Variants in ELAPOR2 observed in about 807,000 individuals in gnomAD.
ELAPOR2 encodes endosome/lysosome-associated apoptosis and autophagy regulator family member 2.
ELAPOR2 carries 89 observed loss-of-function variants against 120.7 expected under a neutral mutation model. The ratio of observed to expected loss-of-function variants is 0.74; its 90% CI spans 0.62 to 0.88. The LOEUF is 0.88. Among genes scored for constraint, ELAPOR2 ranks in the 40% least tolerant of loss-of-function variants. The pLI is 0.00. For missense variants in ELAPOR2, 1,134 were observed against 1,251.6 expected, an observed-to-expected ratio of 0.91 and a Z score of 1.42; for synonymous variants, 444 against 444.9, an observed-to-expected ratio of 1.00 and a Z score of 0.03.
intron 21 of ELAPOR2, among the ~76,000 whole-genome samples, chr7:86,888,274 G>A (rs1562897495): frequency 6.6e-6 from 1 of 152,060 alleles, no homozygotes; most frequent in Non-Finnish European, 1.5e-5. Context: ...ATAGATATGG[G>A]TAGAAATAAG....
rs1052067771 is a variant in ELAPOR2 at position 86,880,257 on chromosome 7, G to C, written c.*214C>G. 1.7e-6 allele frequency: 1 copy of C among 575,464 alleles called. No homozygotes were observed. Among genetic ancestry groups the C allele is most frequent in the Non-Finnish European group, 3.1e-6 (1 of 326,222 alleles). 35.6% of individuals were successfully genotyped at this position (575,464 alleles called of 1,614,324 possible). A position where few individuals can be genotyped will look rare whatever the true frequency, so the allele number is the denominator to read the frequency against. ...CCTGAGTTGAGCTTCATCTTCAGTT[G>C]AGACCCAAATCATTTGCTTTCCTTT... On this transcript the variant is annotated 3_prime_UTR_variant, in exon 22 of 22. Transcript: ENST00000450689.
intron 18 of ELAPOR2, among the ~76,000 whole-genome samples, chr7:86,901,350 A>G (rs761033156): frequency 5.9e-5 from 9 of 152,206 alleles, no homozygotes; most frequent in Non-Finnish European, 1.3e-4. Context: ...TTGAATTCTA[A>G]AAGGGGATAC....
intron 19 of ELAPOR2, among the ~76,000 whole-genome samples, chr7:86,896,383 T>C (rs901087875): frequency 6.6e-6 from 1 of 152,088 alleles, no homozygotes; most frequent in African/African-American, 2.4e-5. Flanking sequence ...TAGAGAATAG[T>C]TCTCTACGGT....
intron 1 of ELAPOR2, among the ~76,000 whole-genome samples, chr7:87,039,442 A>G (rs1794690105): frequency 6.6e-6 from 1 of 152,194 alleles, no homozygotes; most frequent in Non-Finnish European, 1.5e-5. Context: ...AAAACCAGAC[A>G]AAGACACATA....
Position 86,947,800 on chromosome 7 carries a change from C to G in ELAPOR2, c.433G>C (p.Gly145Arg). The G allele has an allele frequency of 6.4e-7, 1 of 1,551,820 alleles. No homozygotes were observed. Among genetic ancestry groups the G allele is most frequent in the Non-Finnish European group, 8.7e-7 (1 of 1,147,020 alleles). Reference sequence around the variant, plus strand: ...ATGAATGTTGCGATGTTAGAAAATCCTGCCGGCAATTCATCCCATTCATCA... The same window carrying G: ...ATGAATGTTGCGATGTTAGAAAATCGTGCCGGCAATTCATCCCATTCATCA... ...KFDEWDELPA[G>R]FSNIATFMDT... Residue 145 changes from glycine to arginine, a missense_variant, in exon 3 of 22, where the codon GGA becomes CGA. Physicochemically the swap from Gly to Arg is moderately radical, Grantham distance 125 (BLOSUM62 -2). Around this residue, in one of 3 missense-constraint regions of ELAPOR2, gnomAD observed 280 missense variants for 331.5 expected, o/e 0.84. Coordinates refer to ENST00000450689, the MANE Select transcript of ELAPOR2 (RefSeq NM_001142749.3).
At chr7:87,030,287 C>T (rs1196835022) in intron 1 of ELAPOR2, among the ~76,000 whole-genome samples, 1 of 152,086 alleles carries the variant, frequency 6.6e-6, no homozygotes, top group Non-Finnish European at 1.5e-5. Context: ...AGTCACAGTA[C>T]ATACCAATAC....
In ELAPOR2 at chr7:86,938,953, C is replaced by T. The variant is rs79734051; in HGVS notation, c.855G>A (p.Ala285=). Residue 285 remains alanine (A), a synonymous_variant, in exon 7 of 22, where the codon GCG becomes GCA. Transcript: ENST00000450689. ...TGCAAGGAAAACATTCTGATGTGTA[C>T]GCCACCCCTGTGCAGTAATGAAAAA... The part of the protein sequence containing the change: ...LVKNITIEGV[A]YTSECFPCKP... 5,440 of 1,612,756 alleles carry T rather than the reference C, an allele frequency of 3.4e-3. 162 individuals carry two copies. The African/African-American group carries it at 0.065, about 19-fold the overall frequency.
At chr7:86,960,898 A>AT (rs887502241) in intron 2 of ELAPOR2, among the ~76,000 whole-genome samples, 2 of 151,892 alleles carry the variant, frequency 1.3e-5, no homozygotes, top group Non-Finnish European at 2.9e-5. Context: ...TCTGTATTTG[A>AT]TTTTTTTTAC....
chr7:87,058,171 G>T (rs1795319459), intron 1 of ELAPOR2, among the ~76,000 whole-genome samples: 1 of 152,136 alleles, frequency 6.6e-6, no homozygotes, highest in Admixed American at 6.5e-5. Flanking sequence ...CTGTAGGAGA[G>T]AAAGACGAAA....
intron 12 of ELAPOR2, among the ~76,000 whole-genome samples, chr7:86,917,991 G>A (rs981377115): frequency 1.3e-5 from 2 of 152,076 alleles, no homozygotes; most frequent in African/African-American, 4.8e-5. Context: ...ATTATGACAT[G>A]AGCATAGTAC....
intron 1 of ELAPOR2, among the ~76,000 whole-genome samples, chr7:86,986,211 C>CCT (rs1792730074): frequency 8.3e-6 from 1 of 121,128 alleles, no homozygotes; most frequent in African/African-American, 3.7e-5. Flanking sequence ...GGGCGGATCA[C>CCT]GAGGTCAGGA....
In ELAPOR2 at chr7:87,018,619, T is replaced by A. The variant is rs79764362; in HGVS notation, c.189+40706A>T. Reference sequence around the variant, plus strand: ...AATACTTATTTGATGAATGAGGATCTTAGTGCCCGAAAGTTCAATGCAAGT... The same window carrying A: ...AATACTTATTTGATGAATGAGGATCATAGTGCCCGAAAGTTCAATGCAAGT... On this transcript the variant is annotated intron_variant, in intron 1 of 21. Coordinates refer to ENST00000450689, the MANE Select transcript of ELAPOR2 (RefSeq NM_001142749.3). Among the ~76,000 whole-genome samples, 30 of 152,342 alleles carry A rather than the reference T, an allele frequency of 2.0e-4. No individual in the cohort carries two copies. In the East Asian group the frequency reaches 5.6e-3, roughly 28 times the overall value.
At chr7:86,929,599 G>T (rs758769345) in intron 8 of ELAPOR2, among the ~76,000 whole-genome samples, 64 of 151,976 alleles carry the variant, frequency 4.2e-4, no homozygotes, top group Non-Finnish European at 9.1e-4. Flanking sequence ...TAGGTCGTCA[G>T]CCTGCCCAAA....
chr7:87,042,645 A>G (rs1240090350), intron 1 of ELAPOR2, among the ~76,000 whole-genome samples: 1 of 152,222 alleles, frequency 6.6e-6, no homozygotes, highest in Non-Finnish European at 1.5e-5. Flanking sequence ...CTAAATGCCC[A>G]CAAGAGAAAG....
chr7:86,981,715 C>A (rs192654789), intron 1 of ELAPOR2, among the ~76,000 whole-genome samples: 127 of 152,332 alleles, frequency 8.3e-4, no homozygotes, highest in Admixed American at 2.4e-3. Flanking sequence ...ATAGGAACAG[C>A]TCCAGTCTGC....
intron 1 of ELAPOR2, among the ~76,000 whole-genome samples, chr7:87,058,886 CAG>C (rs761564776): frequency 2.9e-4 from 44 of 152,138 alleles, no homozygotes; most frequent in South Asian, 1.0e-3. Context: ...TTTGCAGAGA[CAG>C]GGGAGTGGAG....
intron 1 of ELAPOR2, among the ~76,000 whole-genome samples, chr7:87,051,444 C>A (rs867852768): frequency 2.0e-5 from 3 of 152,280 alleles, no homozygotes; most frequent in Middle Eastern, 3.4e-3. Context: ...CTTCAATGCA[C>A]CTCCTGAGAA....
At chr7:86,928,791 A>C (rs917116347) in intron 8 of ELAPOR2, among the ~76,000 whole-genome samples, 1 of 152,032 alleles carries the variant, frequency 6.6e-6, no homozygotes, top group African/African-American at 2.4e-5. Context: ...CCACTTTTAA[A>C]TACTTAAAAA....
Position 86,992,707 on chromosome 7 carries a change from G to A in ELAPOR2, c.190-27683C>T, listed in dbSNP as rs184698250. 6.6e-5 allele frequency among the ~76,000 whole-genome samples: 10 copies of A among 152,280 alleles called. No individual in the cohort carries two copies. The East Asian group carries it at 1.9e-3, about 29-fold the overall frequency. ...TGTCCTCTCTGTCTTTCCCAGTAGA[G>A]TCTGATCACATTAAATGAAAAGGTG... On this transcript the variant is annotated intron_variant, in intron 1 of 21. Coordinates refer to ENST00000450689, the MANE Select transcript of ELAPOR2 (RefSeq NM_001142749.3).
Sources: gnomAD v4.1 joint callset for allele counts (sites outside exome capture counted in the v4.1 genomes callset) on GRCh38, gnomAD v4.1.1 for gene constraint, gnomAD v4.1.1 regional missense constraint, MANE v1.5 for transcripts, NCBI Gene and HGNC (gene_info 2026-07-23, HGNC 2026-07-21) for gene names.